Variants in RGS6 observed in about 807,000 individuals in gnomAD.
RGS6 encodes the protein regulator of G protein signaling 6.
RGS6 carries 30 observed loss-of-function variants against 78.5 expected under a neutral mutation model. The observed-to-expected ratio is 0.38, with a 90% CI of 0.29 to 0.52. RGS6 has a LOEUF of 0.52. Ranked by LOEUF, RGS6 falls within the 20% of genes least tolerant of loss-of-function variation. The pLI is 0.85. For synonymous variants in RGS6, 206 were observed against 206.0 expected (o/e 1.00, Z 0.00); for missense variants, 495 against 609.7 (o/e 0.81, Z 1.98).
intron 13 of RGS6, among the ~76,000 whole-genome samples, chr14:72,504,921 A>ATTTTTTTTTTTTTTTTTTTT (rs34953560): frequency 7.9e-5 from 6 of 76,074 alleles, no homozygotes; most frequent in African/African-American, 1.0e-4. Context: ...CGCCCAGCTA[A>ATTTTTTTTTTTTTTTTTTTT]TTTTTTTTTT....
At chr14:72,569,324 A>G (rs541583278), downstream of RGS6, among the ~76,000 whole-genome samples, 70 of 151,800 alleles carry the variant, frequency 4.6e-4, no homozygotes, top group Non-Finnish European at 6.0e-4. Context: ...CCTTCCCCCT[A>G]CCCCTCTGTT....
chr14:72,434,388 GC>G (rs1483237568), intron 3 of RGS6, among the ~76,000 whole-genome samples: 2 of 152,182 alleles, frequency 1.3e-5, no homozygotes, highest in Non-Finnish European at 2.9e-5. Flanking sequence ...TGTATCTCAA[GC>G]CCTACCTCCT....
At chr14:72,104,074 T>C (rs1567211383) in intron 2 of RGS6, among the ~76,000 whole-genome samples, 1 of 152,198 alleles carries the variant, frequency 6.6e-6, no homozygotes, top group Non-Finnish European at 1.5e-5. Context: ...TTTAATCTTT[T>C]GTTTTGTTTT....
At chr14:72,114,307 T>C (rs778054187) in intron 2 of RGS6, among the ~76,000 whole-genome samples, 2 of 152,192 alleles carry the variant, frequency 1.3e-5, no homozygotes, top group African/African-American at 4.8e-5. Flanking sequence ...GGTCTATAGA[T>C]CCAGTCTCTC....
intron 2 of RGS6, among the ~76,000 whole-genome samples, chr14:72,280,223 A>G (rs956245409): frequency 1.3e-5 from 2 of 152,066 alleles, no homozygotes; most frequent in Non-Finnish European, 2.9e-5. Flanking sequence ...TAAATTTGGA[A>G]CCAGACAGTT....
chr14:72,416,150 A>G (rs892682727), intron 3 of RGS6, among the ~76,000 whole-genome samples: 10 of 152,166 alleles, frequency 6.6e-5, no homozygotes, highest in African/African-American at 1.9e-4. Context: ...GTCTCAAAAA[A>G]AAAAAAAAAA....
At chr14:71,905,691 T>C in the RGS6 span, among the ~76,000 whole-genome samples, 6 of 152,206 alleles carry the variant, frequency 3.9e-5, no homozygotes, top group African/African-American at 1.4e-4. Context: ...GGTTTCACCA[T>C]GTTGCCCAGG....
intron 3 of RGS6, among the ~76,000 whole-genome samples, chr14:72,408,141 G>A (rs1566762027): frequency 6.6e-6 from 1 of 152,164 alleles, no homozygotes; most frequent in Non-Finnish European, 1.5e-5. Flanking sequence ...AAATGATAAA[G>A]AGTCCTTTTC....
At position 72,090,127 on chromosome 14, in the gene RGS6, A is replaced by AAT. The variant is rs1326407981; in HGVS notation, c.84+125253_84+125254insTA. On this transcript the variant is annotated intron_variant, in intron 2 of 17. Coordinates refer to ENST00000553525, the MANE Select transcript of RGS6 (RefSeq NM_001204424.2). Reference sequence around the variant, plus strand: ...GACTCCATCTCAAAAAAAAAAAAAAAAATAAAGCCTTCAACAGTGGCTAAA... The same window carrying AAT: ...GACTCCATCTCAAAAAAAAAAAAAAAATAATAAAGCCTTCAACAGTGGCTAAA... 4.7e-3 allele frequency among the ~76,000 whole-genome samples: 646 copies of AAT among 136,652 alleles called. 8 individuals carry two copies. Among genetic ancestry groups the AAT allele is most frequent in the African/African-American group, 0.016 (628 of 39,372 alleles). 89.6% of individuals were successfully genotyped at this position (136,652 alleles called of 152,430 possible). A position where few individuals can be genotyped will look rare whatever the true frequency, so the allele number is the denominator to read the frequency against.
chr14:72,233,590 T>C (rs2050224612), intron 2 of RGS6, among the ~76,000 whole-genome samples: 1 of 152,248 alleles, frequency 6.6e-6, no homozygotes. Context: ...ATTCTTTGTA[T>C]ACTTGTTAGT....
At chr14:72,450,922 GAC>G (rs1448324292) in intron 3 of RGS6, among the ~76,000 whole-genome samples, 1 of 152,232 alleles carries the variant, frequency 6.6e-6, no homozygotes, top group Non-Finnish European at 1.5e-5. Flanking sequence ...GCGATATTAT[GAC>G]AGATTTCCCT....
chr14:71,970,644 A>G (rs543337495), intron 2 of RGS6, among the ~76,000 whole-genome samples: 2 of 152,298 alleles, frequency 1.3e-5, no homozygotes, highest in Admixed American at 6.5e-5. Flanking sequence ...TGACTAAGGC[A>G]TGATGAGGAT....
chr14:72,574,088 C>CCA, the RGS6 span, among the ~76,000 whole-genome samples: 2 of 152,266 alleles, frequency 1.3e-5, 1 homozygote, highest in South Asian at 4.1e-4. Flanking sequence ...TTTGGAATAC[C>CCA]CACACACACA....
At chr14:72,512,889 T>C (rs986695721) in intron 14 of RGS6, among the ~76,000 whole-genome samples, 19 of 152,150 alleles carry the variant, frequency 1.2e-4, no homozygotes, top group Admixed American at 1.2e-3. Flanking sequence ...GCTGACTGAG[T>C]AAATATCAGG....
intron 2 of RGS6, among the ~76,000 whole-genome samples, chr14:72,292,068 G>A (rs2063683423): frequency 7.1e-6 from 1 of 141,066 alleles, no homozygotes; most frequent in African/African-American, 2.6e-5. Context: ...ACACGGTAGG[G>A]AGCCGTGTGA....
At chr14:71,905,286 A>G in the RGS6 span, among the ~76,000 whole-genome samples, 3 of 152,310 alleles carry the variant, frequency 2.0e-5, no homozygotes, top group Non-Finnish European at 4.4e-5. Flanking sequence ...TCCCAGATGA[A>G]CGACCTTAAA....
chr14:72,463,909 G>C (rs191346487), intron 6 of RGS6, among the ~76,000 whole-genome samples: 4 of 152,114 alleles, frequency 2.6e-5, no homozygotes, highest in African/African-American at 9.7e-5. Flanking sequence ...TTGGTAAGTA[G>C]AAAATCATTT....
chr14:72,334,423 C>T (rs1344333711), intron 2 of RGS6, among the ~76,000 whole-genome samples: 2 of 152,208 alleles, frequency 1.3e-5, no homozygotes, highest in African/African-American at 4.8e-5. Context: ...GGACAAGCCA[C>T]AGGGCTCTGC....
At chr14:72,300,217 A>G (rs1342501629) in intron 2 of RGS6, among the ~76,000 whole-genome samples, 1 of 152,080 alleles carries the variant, frequency 6.6e-6, no homozygotes, top group Non-Finnish European at 1.5e-5. Flanking sequence ...ATTGCTTAGA[A>G]GAACTGCTTT....
Sources: gnomAD v4.1 joint callset for allele counts (sites outside exome capture counted in the v4.1 genomes callset) on GRCh38, gnomAD v4.1.1 for gene constraint, MANE v1.5 for transcripts, NCBI Gene and HGNC (gene_info 2026-07-23, HGNC 2026-07-21) for gene names.